Variants in MYO5B observed in about 807,000 individuals in gnomAD.
MYO5B encodes the protein myosin VB, also known as unconventional myosin-Vb.
A neutral mutation model predicts 229.3 loss-of-function variants in MYO5B; 143 were observed. The ratio of observed to expected loss-of-function variants is 0.62; its 90% CI spans 0.54 to 0.72. The LOEUF is 0.72. MYO5B is among the 30% of genes least tolerant of loss of function. The pLI, the probability that MYO5B is intolerant of heterozygous loss-of-function variation, is 0.00. For synonymous variants in MYO5B, 918 were observed against 885.2 expected (o/e 1.04, Z -0.66); for missense variants, 2,321 against 2,331.0 (o/e 1.00, Z 0.09).
intron 1 of MYO5B, among the ~76,000 whole-genome samples, chr18:50,124,991 G>A (rs2032134580): frequency 6.6e-6 from 1 of 152,004 alleles, no homozygotes; most frequent in Non-Finnish European, 1.5e-5. Flanking sequence ...AGCAGCTGGA[G>A]CAGAAGTCTT....
intron 1 of MYO5B, among the ~76,000 whole-genome samples, chr18:50,181,553 C>T (rs1310376922): frequency 6.6e-6 from 1 of 152,206 alleles, no homozygotes; most frequent in East Asian, 1.9e-4. Context: ...AAGATATTGT[C>T]ACCATAGGGA....
At chr18:50,095,520 T>C (rs761280782) in intron 1 of MYO5B, among the ~76,000 whole-genome samples, 9 of 152,198 alleles carry the variant, frequency 5.9e-5, no homozygotes, top group Non-Finnish European at 1.3e-4. Context: ...ATGAGAGTGG[T>C]TCTGCTGGGC....
intron 33 of MYO5B, among the ~76,000 whole-genome samples, chr18:49,845,093 T>A (rs1598827196): frequency 6.6e-6 from 1 of 152,176 alleles, no homozygotes. Flanking sequence ...GGGTTTTCTC[T>A]GTAAAAACCC....
intron 8 of MYO5B, among the ~76,000 whole-genome samples, chr18:49,982,047 G>C (rs747670014): frequency 4.3e-4 from 65 of 152,082 alleles, no homozygotes; most frequent in Admixed American, 1.2e-3. Flanking sequence ...GAACAAGAAG[G>C]ATATACTCCC....
chr18:49,967,555 T>C (rs1341983742), intron 10 of MYO5B, among the ~76,000 whole-genome samples: 1 of 152,226 alleles, frequency 6.6e-6, no homozygotes, highest in Non-Finnish European at 1.5e-5. Context: ...ATACAGACGA[T>C]AGCTTCCAGG....
intron 39 of MYO5B, among the ~76,000 whole-genome samples, chr18:49,832,027 A>C (rs892651942): frequency 2.0e-5 from 3 of 152,216 alleles, no homozygotes; most frequent in Non-Finnish European, 4.4e-5. Flanking sequence ...TCTAGAATTT[A>C]CATATAGAAG....
chr18:49,921,256 G>GT (rs11306054), intron 17 of MYO5B, among the ~76,000 whole-genome samples: 1,247 of 121,806 alleles, frequency 0.01, 9 homozygotes, highest in African/African-American at 0.022. Context: ...TTCAAGCAGA[G>GT]TTTTTTTTTT....
chr18:49,946,263 G>C (rs2025372065), intron 14 of MYO5B: 1 of 152,078 alleles, frequency 6.6e-6, no homozygotes, highest in Admixed American at 6.6e-5. Context: ...TCCCTAATCT[G>C]AAAATCCAAA....
chr18:50,133,639 A>T (rs1029414663), intron 1 of MYO5B, among the ~76,000 whole-genome samples: 1 of 152,148 alleles, frequency 6.6e-6, no homozygotes, highest in Non-Finnish European at 1.5e-5. Flanking sequence ...CTGTCCTGGT[A>T]TATTACACTC....
At chr18:49,917,150 A>G (rs186559770) in intron 17 of MYO5B, among the ~76,000 whole-genome samples, 37 of 152,224 alleles carry the variant, frequency 2.4e-4, no homozygotes, top group African/African-American at 8.7e-4. Flanking sequence ...TGTTGTGGAT[A>G]TGTTCATGCA....
At chr18:50,161,287 G>A (rs1030372960) in intron 1 of MYO5B, among the ~76,000 whole-genome samples, 1 of 152,158 alleles carries the variant, frequency 6.6e-6, no homozygotes, top group Non-Finnish European at 1.5e-5. Flanking sequence ...AGGAGGCTGA[G>A]GCATGAGAAT....
chr18:49,824,518 T>C lies in MYO5B; in HGVS notation c.*1953A>G, dbSNP rs1488585177. On this transcript the variant is annotated 3_prime_UTR_variant, in exon 40 of 40. Transcript: ENST00000285039. The stretch of plus-strand genomic sequence containing the variant: ...GGTATAAGACAGTGTATAAGGATAG[T>C]AAGCCACTGTGTTTGTGGAACCACT... 1 of 152,466 alleles carries C rather than the reference T, an allele frequency of 6.6e-6. No homozygotes were observed. The highest frequency in any genetic ancestry group is 2.4e-5 in the African/African-American group (1 of 41,488). The allele number at this position is 152,466 out of a possible 1,614,324, so 9.4% of individuals were successfully genotyped here.
chr18:50,096,475 C>G (rs1218184377), intron 1 of MYO5B, among the ~76,000 whole-genome samples: 2 of 152,102 alleles, frequency 1.3e-5, no homozygotes, highest in African/African-American at 4.8e-5. Flanking sequence ...TAGAAGATCC[C>G]TCTTTCTAAA....
chr18:49,990,608 G>T, intron 6 of MYO5B, 88 bp from the exon 7 acceptor site: 1 of 1,122,902 alleles, frequency 8.9e-7, no homozygotes, highest in Non-Finnish European at 1.3e-6. Flanking sequence ...GCTCCAGGTG[G>T]TGGAGGCTGA....
At chr18:50,059,228 T>C (rs2030626507) in intron 1 of MYO5B, among the ~76,000 whole-genome samples, 1 of 152,208 alleles carries the variant, frequency 6.6e-6, no homozygotes, top group Non-Finnish European at 1.5e-5. Flanking sequence ...TGTGCATTCA[T>C]GGGGCACCTG....
At chr18:49,837,439 C>A in intron 37 of MYO5B, 78 bp downstream of exon 37, 1 of 1,521,402 alleles carries the variant, frequency 6.6e-7, no homozygotes, top group Non-Finnish European at 9.1e-7. Context: ...TTAGAAACAG[C>A]AGTCTTGTGT....
At chr18:50,184,667 A>C (rs181600204) in intron 1 of MYO5B, among the ~76,000 whole-genome samples, 3 of 152,194 alleles carry the variant, frequency 2.0e-5, no homozygotes, top group Admixed American at 1.3e-4. Context: ...GAAGGGGAAA[A>C]TACATGCCAA....
At chr18:49,884,990 G>A (rs1204594574) in intron 22 of MYO5B, among the ~76,000 whole-genome samples, 1 of 152,180 alleles carries the variant, frequency 6.6e-6, no homozygotes, top group African/African-American at 2.4e-5. Flanking sequence ...ACAAGTGTTG[G>A]TGAGAATATG....
intron 4 of MYO5B, among the ~76,000 whole-genome samples, chr18:50,011,770 C>CA (rs374780920): frequency 1.3e-3 from 194 of 152,220 alleles, no homozygotes; most frequent in African/African-American, 4.5e-3. Flanking sequence ...ATGCCCTACT[C>CA]AATCCATTCC....
Sources: gnomAD v4.1 joint callset for allele counts (sites outside exome capture counted in the v4.1 genomes callset) on GRCh38, gnomAD v4.1.1 for gene constraint, MANE v1.5 for transcripts, NCBI Gene and HGNC (gene_info 2026-07-23, HGNC 2026-07-21) for gene names.